The following EED variants were observed in gnomAD, a reference collection of about 807,000 sequenced individuals.
EED encodes the protein embryonic ectoderm development.
A neutral mutation model predicts 61.0 loss-of-function variants in EED; 9 were observed. The ratio of observed to expected loss-of-function variants is 0.15; its 90% confidence interval spans 0.09 to 0.26. The LOEUF (loss-of-function observed/expected upper bound fraction) is 0.26, where lower values mean the gene tolerates loss of function less well. Among genes scored for constraint, EED ranks in the 10% least tolerant of loss-of-function variants. EED has a pLI of 1.00. For synonymous variants in EED, 187 were observed against 174.4 expected, an observed-to-expected ratio of 1.07 and a Z score of -0.57; for missense variants, 315 against 542.3, an observed-to-expected ratio of 0.58 and a Z score of 4.16.
At chr11:86,280,734 A>G (rs1205145492), downstream of EED, among the ~76,000 whole-genome samples, 1 of 152,230 alleles carries the variant, frequency 6.6e-6, no homozygotes, top group African/African-American at 2.4e-5. Flanking sequence ...TATATCCTTC[A>G]CTTTGTTCCT....
intron 11 of EED, 45 bp from the exon 12 acceptor site, chr11:86,278,354 A>G (rs1364144003): frequency 1.3e-6 from 2 of 1,587,524 alleles, no homozygotes; most frequent in Non-Finnish European, 8.6e-7. Context: ...AGACACTGAC[A>G]ACGTTATGTG....
chr11:86,276,446 T>A (rs949166311), intron 9 of EED: 1 of 152,194 alleles, frequency 6.6e-6, no homozygotes, highest in East Asian at 1.9e-4. Flanking sequence ...TCAACTTTCC[T>A]AAGATACCTG....
intron 1 of EED, 34 bp downstream of exon 1, chr11:86,245,377 G>C (rs1401571884): frequency 6.5e-7 from 1 of 1,548,060 alleles, no homozygotes; most frequent in Non-Finnish European, 8.9e-7. Context: ...CGAGACTGCG[G>C]AGTGAAAGTT....
At position 86,244,763 on chromosome 11, in the gene EED, C is replaced by G. The variant is rs1027270942; in HGVS notation, c.-467C>G. The G allele has an allele frequency of 7.3e-5, 17 of 233,220 alleles. No individual in the cohort carries two copies. Among genetic ancestry groups the G allele is most frequent in the Admixed American group, 5.7e-4 (10 of 17,604 alleles). The allele number at this position is 233,220 out of a possible 1,614,324, so 14.4% of individuals were successfully genotyped here. A position where few individuals can be genotyped will look rare whatever the true frequency, so the allele number is the denominator to read the frequency against. ...TTGGTGGTGTAGCCCATTCCACAGA[C>G]TTTCGCTCCCTAGCAGCGGGTCGGA... On this transcript the variant is annotated 5_prime_UTR_variant, in exon 1 of 12. Coordinates refer to ENST00000263360, the MANE Select transcript of EED (RefSeq NM_003797.5).
At chr11:86,285,275 C>G in the EED span, among the ~76,000 whole-genome samples, 1 of 151,978 alleles carries the variant, frequency 6.6e-6, no homozygotes, top group East Asian at 1.9e-4. Flanking sequence ...TGAAAATTAG[C>G]TGGGTGGAGT....
intron 6 of EED, 28 bp from the exon 7 acceptor site, chr11:86,264,144 T>A: frequency 6.5e-7 from 1 of 1,549,136 alleles, no homozygotes; most frequent in Non-Finnish European, 8.9e-7. Flanking sequence ...TAAAAAACAT[T>A]CGCCTAATTT....
At position 86,268,625 on chromosome 11, in the gene EED, GTA is replaced by G. The variant is rs1555179195; in HGVS notation, c.966+66_966+67del. 2,625 of 948,116 alleles carry G rather than the reference GTA, an allele frequency of 2.8e-3. 62 individuals are homozygous for G. In the African/African-American group the frequency reaches 0.037, roughly 13 times the overall value. 58.7% of individuals were successfully genotyped at this position (948,116 alleles called of 1,614,324 possible). A position where few individuals can be genotyped will look rare whatever the true frequency, so the allele number is the denominator to read the frequency against. On this transcript the variant is annotated intron_variant, in intron 9 of 11. Transcript: ENST00000263360. Reference sequence around the variant, plus strand: ...TGTGTGTGTGTGTGTGTGTGTGTGTGTATGTGTGTGCGCATGTTGGAACTTGG... The same window carrying G: ...TGTGTGTGTGTGTGTGTGTGTGTGTGTGTGTGTGCGCATGTTGGAACTTGG...
intron 6 of EED, among the ~76,000 whole-genome samples, chr11:86,261,114 G>T (rs540947223): frequency 2.2e-4 from 33 of 152,052 alleles, no homozygotes; most frequent in Non-Finnish European, 4.0e-4. Context: ...AATCAGATAT[G>T]GGTGAGACTC....
At chr11:86,253,814 G>A (rs1945595851) in intron 3 of EED, among the ~76,000 whole-genome samples, 1 of 152,102 alleles carries the variant, frequency 6.6e-6, no homozygotes, top group Non-Finnish European at 1.5e-5. Context: ...TTGGGAGGCT[G>A]AGGCAGGTGG....
the EED span, chr11:86,284,344 A>G: frequency 6.6e-6 from 1 of 152,218 alleles, no homozygotes; most frequent in Non-Finnish European, 1.5e-5. Flanking sequence ...TCCTCCAGTA[A>G]TCATTCATCA....
At chr11:86,250,204 C>A in intron 1 of EED, 92 bp from the exon 2 acceptor site, 1 of 1,189,656 alleles carries the variant, frequency 8.4e-7, no homozygotes. Context: ...AATTATTTCT[C>A]TTAGGTCAGT....
At chr11:86,268,658 A>G in intron 9 of EED, 97 bp downstream of exon 9, 2 of 730,820 alleles carry the variant, frequency 2.7e-6, no homozygotes, top group East Asian at 3.0e-5. Flanking sequence ...CTTGGCAGGG[A>G]GCACTTTATG....
intron 8 of EED, chr11:86,268,094 G>A (rs1041803930): frequency 2.5e-5 from 4 of 161,964 alleles, no homozygotes; most frequent in Non-Finnish European, 5.3e-5. Context: ...GGACTGAGTA[G>A]GTAGCTTAGT....
intron 1 of EED, among the ~76,000 whole-genome samples, chr11:86,248,546 A>G (rs1945445884): frequency 6.6e-6 from 1 of 152,258 alleles, no homozygotes; most frequent in Non-Finnish European, 1.5e-5. Context: ...AATGTTATAC[A>G]GTAATGGTTA....
At chr11:86,286,835 G>A in the EED span, among the ~76,000 whole-genome samples, 1 of 151,950 alleles carries the variant, frequency 6.6e-6, no homozygotes, top group African/African-American at 2.4e-5. Context: ...AGCCGGGCAC[G>A]GTGGTGGGCA....
chr11:86,275,143 A>G (rs1448119714), intron 9 of EED, among the ~76,000 whole-genome samples: 1 of 152,168 alleles, frequency 6.6e-6, no homozygotes, highest in Non-Finnish European at 1.5e-5. Context: ...CTCAACGGTT[A>G]TCGTTTGTGT....
Position 86,262,140 on chromosome 11 carries a change from C to T in EED, c.635-2032C>T, listed in dbSNP as rs184617977. On this transcript the variant is annotated intron_variant, in intron 6 of 11. Transcript: ENST00000263360. Reference sequence around the variant, plus strand: ...CAAATGATCCTTCCACCTCAGCCTTCGAAAGTGTTGGGATTACAGGTGTGA... The same window carrying T: ...CAAATGATCCTTCCACCTCAGCCTTTGAAAGTGTTGGGATTACAGGTGTGA... Among the ~76,000 whole-genome samples, 294 of 152,272 alleles carry T rather than the reference C, an allele frequency of 1.9e-3. 2 individuals are homozygous for T. Among genetic ancestry groups the T allele is most frequent in the Non-Finnish European group, 2.9e-3 (195 of 68,014 alleles).
chr11:86,272,992 C>G (rs1414897757), intron 9 of EED, among the ~76,000 whole-genome samples: 1 of 152,042 alleles, frequency 6.6e-6, no homozygotes, highest in African/African-American at 2.4e-5. Flanking sequence ...TCTATAGTAA[C>G]TCATTAGTCT....
chr11:86,262,935 C>G (rs912640760), intron 6 of EED, among the ~76,000 whole-genome samples: 1 of 151,950 alleles, frequency 6.6e-6, no homozygotes, highest in Admixed American at 6.6e-5. Flanking sequence ...CCTCAGTCCC[C>G]TAAGTAGCTA....
Sources: gnomAD v4.1 joint callset for allele counts (sites outside exome capture counted in the v4.1 genomes callset) on GRCh38, gnomAD v4.1.1 for gene constraint, MANE v1.5 for transcripts, NCBI Gene and HGNC (gene_info 2026-07-23, HGNC 2026-07-21) for gene names.